The following FUCA2 variants were observed in gnomAD, a reference collection of about 807,000 sequenced individuals.
FUCA2 encodes plasma alpha-L-fucosidase.
FUCA2 carries 41 observed loss-of-function variants against 52.6 expected under a neutral mutation model. That is an observed-to-expected ratio of 0.78 (90% CI 0.61 to 1.01). The LOEUF (loss-of-function observed/expected upper bound fraction) is 1.01. Among genes scored for constraint, FUCA2 ranks in the 50% least tolerant of loss-of-function variants. The pLI is 0.00. For missense variants in FUCA2, 507 were observed against 569.5 expected (o/e 0.89, Z 1.12); for synonymous variants, 211 against 217.3 (o/e 0.97, Z 0.26).
In FUCA2 at chr6:143,511,139, T is replaced by C. The variant is rs932327512; in HGVS notation, c.224+272A>G. On this transcript the variant is annotated intron_variant, in intron 1 of 6. Transcript: ENST00000002165. This position sits in a 1 kb window ranked among gnomAD's most constrained non-coding sequence, Gnocchi z 6.3. The stretch of plus-strand genomic sequence containing the variant: ...GTAGTGTCATAACTACAGCTTAATA[T>C]GCGCAACTATGAAGAAGCTGAGGAG... Among the ~76,000 whole-genome samples, 2 of 152,152 alleles carry C rather than the reference T, an allele frequency of 1.3e-5. No homozygotes were observed. The highest frequency in any genetic ancestry group is 4.8e-5 in the African/African-American group (2 of 41,434).
In FUCA2 at chr6:143,497,371, G is replaced by A; in HGVS notation, c.1263+18C>T. 6.7e-7 allele frequency: 1 copy of A among 1,501,722 alleles called. No individual in the cohort carries two copies. The highest frequency in any genetic ancestry group is 9.3e-7 in the Non-Finnish European group (1 of 1,077,506). 93.0% of individuals were successfully genotyped at this position (1,501,722 alleles called of 1,614,324 possible). A position where few individuals can be genotyped will look rare whatever the true frequency, so the allele number is the denominator to read the frequency against. On this transcript the variant is annotated intron_variant, in intron 6 of 6. Transcript: ENST00000002165. The surrounding 1 kb of genome is among the most constrained non-coding windows in gnomAD (Gnocchi z 5.3). ...TCTAATCAGCAATTTAAAGGAATAA[G>A]GTAAAATTCCCTCTTACCTCTGTTG...
chr6:143,498,063 T>C (rs1386826931), intron 5 of FUCA2, among the ~76,000 whole-genome samples: 2 of 152,160 alleles, frequency 1.3e-5, no homozygotes, highest in Non-Finnish European at 2.9e-5. Context: ...AAAGGATCTC[T>C]TTAGATTAGA....
chr6:143,506,668 A>T (rs1289947191), intron 2 of FUCA2: 3 of 152,354 alleles, frequency 2.0e-5, no homozygotes, highest in African/African-American at 4.8e-5. Flanking sequence ...GGGGGTTTAG[A>T]TATTCTTCTA....
intron 2 of FUCA2, chr6:143,505,003 A>T (rs1271289332): frequency 6.6e-6 from 1 of 152,230 alleles, no homozygotes; most frequent in East Asian, 1.9e-4. Flanking sequence ...CTACATAGAT[A>T]AGAAAAACAA....
At position 143,502,581 on chromosome 6, in the gene FUCA2, C is replaced by A. The variant is rs200310924; in HGVS notation, c.753-16G>T. The A allele has an allele frequency of 2.0e-4, 314 of 1,597,466 alleles. 1 individual carries two copies. In the African/African-American group the frequency reaches 3.4e-3, roughly 17 times the overall value. On this transcript the variant is annotated splice_polypyrimidine_tract_variant and intron_variant, in intron 3 of 6. Coordinates refer to ENST00000002165, the MANE Select transcript of FUCA2 (RefSeq NM_032020.5). This position sits in a 1 kb window ranked among gnomAD's most constrained non-coding sequence, Gnocchi z 4.1. ...CCGAACTGGGCTGAAATGAAACATA[C>A]AATTTTTTAAAACAAAAGGTATAAG...
rs545493051 is a variant in FUCA2 at position 143,501,796 on chromosome 6, A to G, written c.1154+136T>C. 125 of 662,140 alleles carry G rather than the reference A, an allele frequency of 1.9e-4. 1 individual carries two copies. The South Asian group carries it at 3.0e-3, about 16-fold the overall frequency. 41.0% of individuals were successfully genotyped at this position (662,140 alleles called of 1,614,324 possible). On this transcript the variant is annotated intron_variant, in intron 5 of 6. Coordinates refer to ENST00000002165, the MANE Select transcript of FUCA2 (RefSeq NM_032020.5). This position sits in a 1 kb window ranked among gnomAD's most constrained non-coding sequence, Gnocchi z 6.1. ...CTTCCCCTTCTCTTTATATTAGAGT[A>G]AGCAAAGTTTGGAAAGTGCTTTGTA... is the stretch of plus-strand genomic sequence containing the variant.
In FUCA2 at chr6:143,504,291, C is replaced by T. The variant is rs575079883; in HGVS notation, c.413-39G>A. On this transcript the variant is annotated intron_variant, in intron 2 of 6. Coordinates refer to ENST00000002165, the MANE Select transcript of FUCA2 (RefSeq NM_032020.5). The surrounding 1 kb of genome is among the most constrained non-coding windows in gnomAD (Gnocchi z 4.4). Reference sequence around the variant, plus strand: ...GTGAAAACCCTTGTAAGCATGTCAACTTTATTTTAGTAAATTTCAACCCAC... The same window carrying T: ...GTGAAAACCCTTGTAAGCATGTCAATTTTATTTTAGTAAATTTCAACCCAC... The T allele has an allele frequency of 6.5e-7, 1 of 1,535,454 alleles. No individual in the cohort carries two copies. The highest frequency in any genetic ancestry group is 1.2e-5 in the South Asian group (1 of 81,750).
chr6:143,507,066 ATC>A lies in FUCA2; in HGVS notation c.412+169_412+170del. 1.8e-6 allele frequency: 1 copy of A among 558,782 alleles called. No homozygotes were observed. Among genetic ancestry groups the A allele is most frequent in the East Asian group, 3.3e-5 (1 of 30,152 alleles). The allele number at this position is 558,782 out of a possible 1,614,324, so 34.6% of individuals were successfully genotyped here. ...GTATGATCCTTTCTGTATTCCTAAC[ATC>A]TCTCAATTTGGGTTGAATGTGCAGT... On this transcript the variant is annotated intron_variant, in intron 2 of 6. Coordinates refer to ENST00000002165, the MANE Select transcript of FUCA2 (RefSeq NM_032020.5). This position sits in a 1 kb window ranked among gnomAD's most constrained non-coding sequence, Gnocchi z 4.5.
At position 143,510,298 on chromosome 6, in the gene FUCA2, T is replaced by C. The variant is rs1780664079; in HGVS notation, c.224+1113A>G. Among the ~76,000 whole-genome samples the C allele has an allele frequency of 6.6e-6, 1 of 152,224 alleles. No homozygotes were observed. Among genetic ancestry groups the C allele is most frequent in the African/African-American group, 2.4e-5 (1 of 41,460 alleles). ...ATAGTATGTTAATTTGGATGTATACTATTTATGTAGTATATAGTTGATTCA... is the reference window on the plus strand; with the variant it reads ...ATAGTATGTTAATTTGGATGTATACCATTTATGTAGTATATAGTTGATTCA... On this transcript the variant is annotated intron_variant, in intron 1 of 6. Coordinates refer to ENST00000002165, the MANE Select transcript of FUCA2 (RefSeq NM_032020.5). The surrounding 1 kb of genome is among the most constrained non-coding windows in gnomAD (Gnocchi z 4.4).
rs747850865 is a variant in FUCA2 at position 143,499,291 on chromosome 6, G to A, written c.1155-1794C>T. Reference sequence around the variant, plus strand: ...CATTAAGATAAACGCAGTGGCTCACGCCTGTAATCCCAGCACTTTGGGAGG... The same window carrying A: ...CATTAAGATAAACGCAGTGGCTCACACCTGTAATCCCAGCACTTTGGGAGG... On this transcript the variant is annotated intron_variant, in intron 5 of 6. Coordinates refer to ENST00000002165, the MANE Select transcript of FUCA2 (RefSeq NM_032020.5). This position sits in a 1 kb window ranked among gnomAD's most constrained non-coding sequence, Gnocchi z 6.0. Among the ~76,000 whole-genome samples the A allele has an allele frequency of 3.9e-5, 6 of 152,282 alleles. No homozygotes were observed. Among genetic ancestry groups the A allele is most frequent in the Admixed American group, 1.3e-4 (2 of 15,296 alleles).
rs1374833060 is a variant in FUCA2, at chr6:143,510,272, T to C, written c.224+1139A>G. ...CATACTCTGTATTGTGTCTACTAAA[T>C]ATAGTATGTTAATTTGGATGTATAC... On this transcript the variant is annotated intron_variant, in intron 1 of 6. Coordinates refer to ENST00000002165, the MANE Select transcript of FUCA2 (RefSeq NM_032020.5). The surrounding 1 kb of genome is among the most constrained non-coding windows in gnomAD (Gnocchi z 4.4). Among the ~76,000 whole-genome samples the C allele has an allele frequency of 6.6e-6, 1 of 152,212 alleles. No homozygotes were observed. The highest frequency in any genetic ancestry group is 2.4e-5 in the African/African-American group (1 of 41,460).
chr6:143,510,773 C>T lies in FUCA2; in HGVS notation c.224+638G>A, dbSNP rs914440807. 6.6e-6 allele frequency among the ~76,000 whole-genome samples: 1 copy of T among 152,132 alleles called. No individual in the cohort carries two copies. The highest frequency in any genetic ancestry group is 1.5e-5 in the Non-Finnish European group (1 of 68,032). On this transcript the variant is annotated intron_variant, in intron 1 of 6. Transcript: ENST00000002165. This position sits in a 1 kb window ranked among gnomAD's most constrained non-coding sequence, Gnocchi z 4.4. Reference sequence around the variant, plus strand: ...GCAACAGTTTAAGAAATTACATGCACATTTTCACATAGATCTCAAGGTAAA... The same window carrying T: ...GCAACAGTTTAAGAAATTACATGCATATTTTCACATAGATCTCAAGGTAAA...
chr6:143,494,830 TTA>T lies in FUCA2; in HGVS notation c.*875_*876del, dbSNP rs1294760662. ...ATTTTTGTACATTTGCACAATGAGT[TTA>T]TGTTTTAAGCTAAGTGTTATTACAA... On this transcript the variant is annotated 3_prime_UTR_variant, in exon 7 of 7. Coordinates refer to ENST00000002165, the MANE Select transcript of FUCA2 (RefSeq NM_032020.5). The surrounding 1 kb of genome is among the most constrained non-coding windows in gnomAD (Gnocchi z 6.6). 1.3e-5 allele frequency: 2 copies of T among 152,214 alleles called. No homozygotes were observed. The highest frequency in any genetic ancestry group is 4.8e-5 in the African/African-American group (2 of 41,472). The allele number at this position is 152,214 out of a possible 1,614,324, so 9.4% of individuals were successfully genotyped here.
In FUCA2 at chr6:143,499,975, T is replaced by C. The variant is rs1054937325; in HGVS notation, c.1154+1957A>G. 2.6e-5 allele frequency among the ~76,000 whole-genome samples: 4 copies of C among 152,166 alleles called. No homozygotes were observed. The highest frequency in any genetic ancestry group is 9.7e-5 in the African/African-American group (4 of 41,434). ...CTATAACAATCCTTGGGTGGATGAT[T>C]TGCAATGGGATCAGGACACAAGGGT... is the stretch of plus-strand genomic sequence containing the variant. On this transcript the variant is annotated intron_variant, in intron 5 of 6. Coordinates refer to ENST00000002165, the MANE Select transcript of FUCA2 (RefSeq NM_032020.5). The surrounding 1 kb of genome is among the most constrained non-coding windows in gnomAD (Gnocchi z 6.0).
Position 143,504,099 on chromosome 6 carries a change from G to C in FUCA2, c.566C>G (p.Pro189Arg), listed in dbSNP as rs778849868. The C allele has an allele frequency of 6.2e-7, 1 of 1,613,998 alleles. No homozygotes were observed. The highest frequency in any genetic ancestry group is 1.7e-5 in the Admixed American group (1 of 59,972). ...LYYSLFEWFHPLFLEDESSSF... is the reference protein window; with the variant it reads ...LYYSLFEWFHRLFLEDESSSF... Reference sequence around the variant, plus strand: ...ACTGGATTCATCCTCAAGGAAGAGCGGATGAAACCATTCAAAAAGGGAATA... The same window carrying C: ...ACTGGATTCATCCTCAAGGAAGAGCCGATGAAACCATTCAAAAAGGGAATA... The change falls in exon 3 of 7, where the codon CCG (proline) becomes CGG (arginine). Residue 189 changes from proline to arginine, a missense_variant. By Grantham distance (103) the Pro-to-Arg change is moderately radical. Transcript: ENST00000002165. The surrounding 1 kb of genome is among the most constrained non-coding windows in gnomAD (Gnocchi z 4.4).
In FUCA2 at chr6:143,510,408, C is replaced by T. The variant is rs962910935; in HGVS notation, c.224+1003G>A. Among the ~76,000 whole-genome samples the T allele has an allele frequency of 6.6e-6, 1 of 151,804 alleles. No individual in the cohort carries two copies. Among genetic ancestry groups the T allele is most frequent in the Non-Finnish European group, 1.5e-5 (1 of 67,942 alleles). On this transcript the variant is annotated intron_variant, in intron 1 of 6. Coordinates refer to ENST00000002165, the MANE Select transcript of FUCA2 (RefSeq NM_032020.5). The surrounding 1 kb of genome is among the most constrained non-coding windows in gnomAD (Gnocchi z 4.4). ...TCCTGGAATTACAGGTATGAGCCAC[C>T]GCGGATCACCTGAGGTCAGGAGTTC...
Position 143,497,037 on chromosome 6 carries a change from G to A in FUCA2, c.1263+352C>T, listed in dbSNP as rs1287262037. The A allele has an allele frequency of 1.8e-5, 3 of 169,780 alleles. No individual in the cohort carries two copies. Among genetic ancestry groups the A allele is most frequent in the East Asian group, 3.3e-4 (2 of 6,112 alleles). 10.5% of individuals were successfully genotyped at this position (169,780 alleles called of 1,614,324 possible). A position where few individuals can be genotyped will look rare whatever the true frequency, so the allele number is the denominator to read the frequency against. On this transcript the variant is annotated intron_variant, in intron 6 of 6. Coordinates refer to ENST00000002165, the MANE Select transcript of FUCA2 (RefSeq NM_032020.5). The surrounding 1 kb of genome is among the most constrained non-coding windows in gnomAD (Gnocchi z 5.3). ...TGAAGTGGTGCAGTCATAGCTTACT[G>A]TAGTCTTGACCTACTGGGCTCAAGC...
Position 143,504,583 on chromosome 6 carries a change from A to G in FUCA2, c.413-331T>C. The G allele has an allele frequency of 4.5e-6, 1 of 224,542 alleles. No individual in the cohort carries two copies. Among genetic ancestry groups the G allele is most frequent in the South Asian group, 9.3e-5 (1 of 10,782 alleles). The allele number at this position is 224,542 out of a possible 1,614,324, so 13.9% of individuals were successfully genotyped here. On this transcript the variant is annotated intron_variant, in intron 2 of 6. Coordinates refer to ENST00000002165, the MANE Select transcript of FUCA2 (RefSeq NM_032020.5). The surrounding 1 kb of genome is among the most constrained non-coding windows in gnomAD (Gnocchi z 4.4). ...AGTGCTCCCTGCTATGTCTCCAGCC[A>G]ACTGCTAGCACAAGGTATAAACAAT...
chr6:143,497,337 T>C lies in FUCA2; in HGVS notation c.1263+52A>G. 1 of 1,148,204 alleles carries C rather than the reference T, an allele frequency of 8.7e-7. No individual in the cohort carries two copies. The highest frequency in any genetic ancestry group is 1.3e-6 in the Non-Finnish European group (1 of 756,228). The allele number at this position is 1,148,204 out of a possible 1,614,324, so 71.1% of individuals were successfully genotyped here. A position where few individuals can be genotyped will look rare whatever the true frequency, so the allele number is the denominator to read the frequency against. ...CTCCCCTTAAAAGTTAATGTTTGCA[T>C]CAAGATGTTCTAATCAGCAATTTAA... is the stretch of plus-strand genomic sequence containing the variant. On this transcript the variant is annotated intron_variant, in intron 6 of 6. Transcript: ENST00000002165. This position sits in a 1 kb window ranked among gnomAD's most constrained non-coding sequence, Gnocchi z 5.3.
Sources: allele counts gnomAD v4.1 joint callset (sites outside exome capture counted in the v4.1 genomes callset), GRCh38; gene constraint gnomAD v4.1.1; non-coding constraint Gnocchi (gnomAD v3.1); transcripts MANE v1.5; gene names NCBI Gene and HGNC (gene_info 2026-07-23, HGNC 2026-07-21).